Variants in INPP4B observed in about 807,000 individuals in gnomAD.
INPP4B encodes the protein inositol polyphosphate-4-phosphatase type II B.
INPP4B carries 55 observed loss-of-function variants against 122.5 expected under a neutral mutation model. The ratio of observed to expected loss-of-function variants is 0.45; its 90% CI spans 0.36 to 0.56. The LOEUF (loss-of-function observed/expected upper bound fraction) is 0.56. Ranked by LOEUF, INPP4B falls within the 20% of genes least tolerant of loss-of-function variation. The pLI, the probability that INPP4B is intolerant of heterozygous loss-of-function variation, is 0.00. For synonymous variants in INPP4B, 403 were observed against 388.7 expected (o/e 1.04, Z -0.43); for missense variants, 1,000 against 1,097.7 (o/e 0.91, Z 1.26).
chr4:142,036,663 TTTTG>T (rs535654446), intron 25 of INPP4B, among the ~76,000 whole-genome samples: 162 of 152,310 alleles, frequency 1.1e-3, no homozygotes, highest in Non-Finnish European at 1.8e-3. Flanking sequence ...ATTAAAAGGT[TTTTG>T]TTTTTGTTGT....
At chr4:142,327,639 T>G (rs979638914) in intron 7 of INPP4B, among the ~76,000 whole-genome samples, 1 of 152,166 alleles carries the variant, frequency 6.6e-6, no homozygotes, top group Non-Finnish European at 1.5e-5. Flanking sequence ...GGGCTGCACT[T>G]TAGAATCACC....
At chr4:142,620,835 T>C (rs1484506412) in intron 2 of INPP4B, among the ~76,000 whole-genome samples, 1 of 152,006 alleles carries the variant, frequency 6.6e-6, no homozygotes, top group Non-Finnish European at 1.5e-5. Context: ...ACTTTAACCA[T>C]TTAATTTTTT....
intron 2 of INPP4B, among the ~76,000 whole-genome samples, chr4:142,642,607 G>C (rs772149521): frequency 1.3e-5 from 2 of 152,142 alleles, no homozygotes; most frequent in Non-Finnish European, 2.9e-5. Flanking sequence ...TGAGGACTTT[G>C]TTCTGTTCCA....
chr4:142,067,704 T>C (rs1039427939), intron 25 of INPP4B, among the ~76,000 whole-genome samples: 9 of 152,060 alleles, frequency 5.9e-5, no homozygotes, highest in Non-Finnish European at 1.3e-4. Context: ...CAGTACCCAA[T>C]TTGATCAAGT....
At chr4:142,653,796 G>T (rs1753540254) in intron 2 of INPP4B, among the ~76,000 whole-genome samples, 1 of 152,174 alleles carries the variant, frequency 6.6e-6, no homozygotes, top group Admixed American at 6.5e-5. Flanking sequence ...TTCAACCATT[G>T]TGGAAGACAG....
At chr4:142,521,567 A>G (rs963245763) in intron 2 of INPP4B, among the ~76,000 whole-genome samples, 12 of 152,200 alleles carry the variant, frequency 7.9e-5, no homozygotes, top group African/African-American at 2.6e-4. Flanking sequence ...TCAGATTTTT[A>G]AAGCTACATA....
At chr4:142,121,920 T>C (rs1578982384) in intron 21 of INPP4B, among the ~76,000 whole-genome samples, 1 of 152,224 alleles carries the variant, frequency 6.6e-6, no homozygotes, top group South Asian at 2.1e-4. Flanking sequence ...CTCAACTCAC[T>C]ACAATTTAAA....
At chr4:142,631,925 G>A (rs1748051332) in intron 2 of INPP4B, among the ~76,000 whole-genome samples, 1 of 151,950 alleles carries the variant, frequency 6.6e-6, no homozygotes, top group South Asian at 2.1e-4. Context: ...AAGCATGGTT[G>A]TGAAAGGCAG....
intron 2 of INPP4B, among the ~76,000 whole-genome samples, chr4:142,712,923 G>A (rs1288909778): frequency 6.6e-6 from 1 of 152,182 alleles, no homozygotes; most frequent in Non-Finnish European, 1.5e-5. Flanking sequence ...TAACAAACAT[G>A]TCCAGGCTCT....
intron 16 of INPP4B, among the ~76,000 whole-genome samples, chr4:142,166,167 T>C (rs899872727): frequency 4.0e-5 from 6 of 151,750 alleles, no homozygotes; most frequent in African/African-American, 1.4e-4. Context: ...TGACTTCTTA[T>C]AGAAGTTTGC....
At chr4:142,534,607 G>A (rs1263833147) in intron 2 of INPP4B, among the ~76,000 whole-genome samples, 1 of 151,692 alleles carries the variant, frequency 6.6e-6, no homozygotes, top group Non-Finnish European at 1.5e-5. Context: ...AATGGACTAT[G>A]ACAAATGCCT....
At chr4:142,272,368 A>G (rs1746280694) in intron 9 of INPP4B, among the ~76,000 whole-genome samples, 1 of 152,054 alleles carries the variant, frequency 6.6e-6, no homozygotes, top group South Asian at 2.1e-4. Flanking sequence ...AAAATTTCTG[A>G]TAGCATGTAC....
At chr4:142,083,101 C>CAAA (rs33936815) in intron 24 of INPP4B, among the ~76,000 whole-genome samples, 1,471 of 126,416 alleles carry the variant, frequency 0.012, 26 homozygotes, top group African/African-American at 0.038. Context: ...CACCCTGTCT[C>CAAA]AAAAAAAAAA....
chr4:142,694,987 G>A (rs766091080), intron 2 of INPP4B, among the ~76,000 whole-genome samples: 8 of 152,066 alleles, frequency 5.3e-5, no homozygotes, highest in Non-Finnish European at 8.8e-5. Context: ...GGGTCTTGTG[G>A]TGGGGGTAGG....
intron 8 of INPP4B, among the ~76,000 whole-genome samples, chr4:142,312,460 G>A (rs917068166): frequency 6.6e-6 from 1 of 152,148 alleles, no homozygotes; most frequent in Non-Finnish European, 1.5e-5. Flanking sequence ...TCTAAACCAC[G>A]TTTACCTCCA....
intron 23 of INPP4B, among the ~76,000 whole-genome samples, chr4:142,090,196 C>T (rs775877442): frequency 9.9e-5 from 15 of 152,128 alleles, no homozygotes; most frequent in Non-Finnish European, 2.2e-4. Flanking sequence ...CCATTCCCAC[C>T]TCATAAAGAG....
chr4:142,790,656 CA>C (rs1195199916), intron 1 of INPP4B, among the ~76,000 whole-genome samples: 1 of 151,632 alleles, frequency 6.6e-6, no homozygotes, highest in Admixed American at 6.6e-5. Context: ...AGGAAAAAAA[CA>C]AAAAACAAAA....
chr4:142,276,114 A>G (rs1451204744), intron 9 of INPP4B, among the ~76,000 whole-genome samples: 1 of 151,580 alleles, frequency 6.6e-6, no homozygotes, highest in African/African-American at 2.4e-5. Context: ...TTCCTCCATA[A>G]TGTCTATTTC....
chr4:142,722,735 A>T (rs1560999188), intron 2 of INPP4B, among the ~76,000 whole-genome samples: 1 of 152,144 alleles, frequency 6.6e-6, no homozygotes, highest in Non-Finnish European at 1.5e-5. Context: ...TGATGTTATG[A>T]ATATGTTTTT....
Sources: allele counts gnomAD v4.1 joint callset (sites outside exome capture counted in the v4.1 genomes callset), GRCh38; gene constraint gnomAD v4.1.1; transcripts MANE v1.5; gene names NCBI Gene and HGNC (gene_info 2026-07-23, HGNC 2026-07-21).